CCSER1: variants seen among roughly 807,000 people sequenced by gnomAD.
CCSER1 encodes the protein serine-rich coiled-coil domain-containing protein 1.
Under a neutral mutation model 82.0 loss-of-function variants are expected in CCSER1, and 41 were observed. The ratio of observed to expected loss-of-function variants is 0.50; its 90% confidence interval spans 0.39 to 0.65. CCSER1 has a LOEUF of 0.65. Among genes scored for constraint, CCSER1 ranks in the 30% least tolerant of loss-of-function variants. The probability of loss-of-function intolerance (pLI) is 0.00; values close to 1 mark genes in which losing one functional copy is unlikely to be tolerated. For synonymous variants in CCSER1, 414 were observed against 383.9 expected, an observed-to-expected ratio of 1.08 and a Z score of -0.92; for missense variants, 1,119 against 1,064.2, an observed-to-expected ratio of 1.05 and a Z score of -0.72.
At chr4:90,355,430 CTTATT>C (rs753061340) in intron 3 of CCSER1, among the ~76,000 whole-genome samples, 28 of 151,916 alleles carry the variant, frequency 1.8e-4, no homozygotes, top group Non-Finnish European at 2.9e-4. Context: ...AATTTATAAT[CTTATT>C]TTATTTACTT....
chr4:90,863,759 A>G (rs1765386317), intron 8 of CCSER1, among the ~76,000 whole-genome samples: 2 of 151,898 alleles, frequency 1.3e-5, no homozygotes, highest in South Asian at 4.1e-4. Context: ...AAGGAAAGGA[A>G]AAAAGATTGT....
intron 8 of CCSER1, among the ~76,000 whole-genome samples, chr4:90,873,198 G>A (rs1471247211): frequency 6.6e-6 from 1 of 151,932 alleles, no homozygotes; most frequent in Non-Finnish European, 1.5e-5. Flanking sequence ...CTTCTTTAGG[G>A]CCAATGACTT....
At chr4:90,881,203 A>G (rs1477958877) in intron 8 of CCSER1, among the ~76,000 whole-genome samples, 1 of 152,042 alleles carries the variant, frequency 6.6e-6, no homozygotes, top group African/African-American at 2.4e-5. Context: ...TTAAATATCA[A>G]CCTCAAACTC....
In CCSER1 at chr4:90,239,899, G is replaced by T. The variant is rs1317128800; in HGVS notation, c.-41-68345G>T. Among the ~76,000 whole-genome samples, 2 of 152,096 alleles carry T rather than the reference G, an allele frequency of 1.3e-5. 1 individual carries two copies. Among genetic ancestry groups the T allele is most frequent in the African/African-American group, 4.8e-5 (2 of 41,422 alleles). On this transcript the variant is annotated intron_variant, in intron 1 of 10. Transcript: ENST00000509176. ...GTATCAACTAGTCCACTTTGAAGAG[G>T]AAAACCACATAGTAGGTTAAACTAG...
At chr4:90,655,959 A>G (rs764817060) in intron 6 of CCSER1, among the ~76,000 whole-genome samples, 28 of 151,922 alleles carry the variant, frequency 1.8e-4, no homozygotes, top group Non-Finnish European at 3.7e-4. Context: ...CACAGTTATA[A>G]TATTCTTGGC....
intron 10 of CCSER1, among the ~76,000 whole-genome samples, chr4:91,217,786 C>T (rs1365879053): frequency 1.3e-5 from 2 of 151,780 alleles, no homozygotes; most frequent in Non-Finnish European, 2.9e-5. Context: ...TACAGAGTGT[C>T]CATTGGTGCA....
chr4:91,525,873 T>A (rs890731455), intron 10 of CCSER1, among the ~76,000 whole-genome samples: 2 of 152,184 alleles, frequency 1.3e-5, no homozygotes, highest in African/African-American at 4.8e-5. Flanking sequence ...TAGGGATATT[T>A]TAAAATTTAA....
intron 9 of CCSER1, among the ~76,000 whole-genome samples, chr4:90,945,942 C>T (rs1732185851): frequency 6.6e-6 from 1 of 151,984 alleles, no homozygotes; most frequent in South Asian, 2.1e-4. Flanking sequence ...AGAAAGAAAA[C>T]TGAAATATAG....
intron 1 of CCSER1, among the ~76,000 whole-genome samples, chr4:90,136,262 A>T (rs1723676108): frequency 6.6e-6 from 1 of 152,098 alleles, no homozygotes; most frequent in African/African-American, 2.4e-5. Context: ...CTGAGGTGGG[A>T]GGATTGCATG....
At chr4:91,083,550 C>T (rs1037561604) in intron 9 of CCSER1, among the ~76,000 whole-genome samples, 12 of 150,502 alleles carry the variant, frequency 8.0e-5, no homozygotes, top group South Asian at 2.1e-4. Flanking sequence ...TAGAACTTAA[C>T]GTAAAATAAA....
At chr4:91,375,534 T>C (rs1028666500) in intron 10 of CCSER1, among the ~76,000 whole-genome samples, 9 of 151,830 alleles carry the variant, frequency 5.9e-5, no homozygotes, top group South Asian at 2.1e-4. Context: ...TTTTTTTTTT[T>C]TAAGACAACT....
At chr4:91,104,331 C>T (rs1027526762) in intron 10 of CCSER1, among the ~76,000 whole-genome samples, 2 of 152,152 alleles carry the variant, frequency 1.3e-5, no homozygotes, top group Non-Finnish European at 2.9e-5. Context: ...TACACTGCCT[C>T]CCCTTTTCAA....
chr4:90,851,862 G>A (rs1037043789), intron 8 of CCSER1, among the ~76,000 whole-genome samples: 5 of 152,160 alleles, frequency 3.3e-5, no homozygotes, highest in African/African-American at 4.8e-5. Context: ...TTATCTGTGC[G>A]TTAATATTAC....
chr4:91,465,391 C>CAAGAGA (rs1265718483), intron 10 of CCSER1, among the ~76,000 whole-genome samples: 4 of 152,106 alleles, frequency 2.6e-5, no homozygotes, highest in Non-Finnish European at 5.9e-5. Flanking sequence ...TAAATGCCCA[C>CAAGAGA]AAGAGAAAGC....
intron 10 of CCSER1, among the ~76,000 whole-genome samples, chr4:91,438,205 CT>C (rs1754815452): frequency 6.6e-6 from 1 of 152,230 alleles, no homozygotes; most frequent in Non-Finnish European, 1.5e-5. Context: ...CCCCTGACCC[CT>C]GAGCAGCCTA....
intron 5 of CCSER1, among the ~76,000 whole-genome samples, chr4:90,568,989 A>G (rs926944932): frequency 6.8e-6 from 1 of 147,372 alleles, no homozygotes; most frequent in Non-Finnish European, 1.5e-5. Flanking sequence ...GCTGATCTCC[A>G]ACTCCTGACC....
intron 10 of CCSER1, among the ~76,000 whole-genome samples, chr4:91,180,054 T>C (rs190761188): frequency 1.3e-5 from 2 of 152,340 alleles, no homozygotes; most frequent in Admixed American, 6.5e-5. Context: ...TGCAGGTCTA[T>C]TGGAGTTTGC....
intron 9 of CCSER1, among the ~76,000 whole-genome samples, chr4:90,994,669 T>C (rs1025491516): frequency 2.0e-5 from 3 of 152,188 alleles, no homozygotes; most frequent in Non-Finnish European, 4.4e-5. Flanking sequence ...AAAGCTGTGA[T>C]TGAAACTAAG....
intron 3 of CCSER1, among the ~76,000 whole-genome samples, chr4:90,326,569 T>C (rs1468245799): frequency 1.3e-5 from 2 of 152,196 alleles, no homozygotes; most frequent in Non-Finnish European, 2.9e-5. Flanking sequence ...TCTGTTAGGC[T>C]CTTTATTGTA....
Sources: gnomAD v4.1 joint callset for allele counts (sites outside exome capture counted in the v4.1 genomes callset) on GRCh38, gnomAD v4.1.1 for gene constraint, MANE v1.5 for transcripts, NCBI Gene and HGNC (gene_info 2026-07-23, HGNC 2026-07-21) for gene names.